GALNT2: variants seen among roughly 807,000 people sequenced by gnomAD.
GALNT2 encodes the protein polypeptide N-acetylgalactosaminyltransferase 2.
In GALNT2, 31 loss-of-function variants were observed where a neutral mutation model predicts 81.4. The observed-to-expected ratio is 0.38, with a 90% CI of 0.29 to 0.51. The LOEUF (loss-of-function observed/expected upper bound fraction) is 0.51. GALNT2 is among the 20% of genes least tolerant of loss of function. The probability of loss-of-function intolerance (pLI) is 0.87; values close to 1 mark genes in which losing one functional copy is unlikely to be tolerated. For synonymous variants in GALNT2, 303 were observed against 287.4 expected, an observed-to-expected ratio of 1.05 and a Z score of -0.55; for missense variants, 629 against 765.7, an observed-to-expected ratio of 0.82 and a Z score of 2.11.
chr1:230,253,784 C>A (rs1304662669), intron 10 of GALNT2, among the ~76,000 whole-genome samples: 1 of 152,150 alleles, frequency 6.6e-6, no homozygotes, highest in Non-Finnish European at 1.5e-5. Flanking sequence ...CAAGATCCCT[C>A]TTCTCTAGCT....
At chr1:230,258,333 G>A (rs1014269644) in intron 11 of GALNT2, among the ~76,000 whole-genome samples, 2 of 151,776 alleles carry the variant, frequency 1.3e-5, no homozygotes, top group Admixed American at 6.6e-5. Context: ...GGATTCAAGC[G>A]ACTCCCCTGC....
intron 1 of GALNT2, among the ~76,000 whole-genome samples, chr1:230,100,120 A>G (rs1233552351): frequency 6.6e-6 from 1 of 152,162 alleles, no homozygotes; most frequent in African/African-American, 2.4e-5. Context: ...TGAAGGGATC[A>G]AGTCCTGGAA....
At chr1:230,230,878 G>A (rs754830839) in intron 3 of GALNT2, among the ~76,000 whole-genome samples, 7 of 152,066 alleles carry the variant, frequency 4.6e-5, no homozygotes, top group South Asian at 2.1e-4. Context: ...TTTGGTCTTC[G>A]TGGCTATCTC....
At chr1:230,176,904 T>C (rs1216241825) in intron 1 of GALNT2, among the ~76,000 whole-genome samples, 1 of 152,176 alleles carries the variant, frequency 6.6e-6, no homozygotes, top group Non-Finnish European at 1.5e-5. Context: ...GGGTGGGGCT[T>C]GGACCCCCGG....
In GALNT2 at chr1:230,275,573, AAC is replaced by A. The variant is rs1189909925; in HGVS notation, c.1560+1014_1560+1015del. Among the ~76,000 whole-genome samples, 6 of 151,050 alleles carry A rather than the reference AAC, an allele frequency of 4.0e-5. No homozygotes were observed. Among genetic ancestry groups the A allele is most frequent in the Non-Finnish European group, 8.9e-5 (6 of 67,660 alleles). On this transcript the variant is annotated intron_variant, in intron 15 of 15. Coordinates refer to ENST00000366672, the MANE Select transcript of GALNT2 (RefSeq NM_004481.5). The surrounding 1 kb of genome is among the most constrained non-coding windows in gnomAD (Gnocchi z 5.5). The stretch of plus-strand genomic sequence containing the variant: ...TAAACGCCACATATATATACATATA[AAC>A]ACACCATATATATACATATAGATAC...
intron 2 of GALNT2, among the ~76,000 whole-genome samples, chr1:230,197,580 C>T (rs1205225424): frequency 1.3e-5 from 2 of 152,182 alleles, no homozygotes; most frequent in Admixed American, 6.5e-5. Context: ...TCATTTCTGC[C>T]TGTAAATATC....
intron 1 of GALNT2, among the ~76,000 whole-genome samples, chr1:230,140,107 G>A (rs1661683651): frequency 1.3e-5 from 2 of 152,238 alleles, no homozygotes; most frequent in South Asian, 4.1e-4. Context: ...CCTCCCCCAC[G>A]GGGCTTCTGT....
intron 3 of GALNT2, among the ~76,000 whole-genome samples, chr1:230,212,071 C>T (rs1451952309): frequency 6.6e-6 from 1 of 152,170 alleles, no homozygotes; most frequent in African/African-American, 2.4e-5. Flanking sequence ...GAGCCTTAGT[C>T]CCCAGGGATT....
chr1:230,245,839 C>T (rs112133694), intron 7 of GALNT2, among the ~76,000 whole-genome samples: 39 of 152,296 alleles, frequency 2.6e-4, no homozygotes, highest in African/African-American at 8.9e-4. Flanking sequence ...CCACTCCTGA[C>T]CTCCCTCCCT....
At chr1:230,174,255 G>A (rs1662885948) in intron 1 of GALNT2, among the ~76,000 whole-genome samples, 1 of 152,150 alleles carries the variant, frequency 6.6e-6, no homozygotes, top group South Asian at 2.1e-4. Flanking sequence ...TGCTCCCCAC[G>A]TGTCATGCGG....
chr1:230,261,348 TATCTC>T (rs1665871890), intron 11 of GALNT2, among the ~76,000 whole-genome samples: 1 of 152,224 alleles, frequency 6.6e-6, no homozygotes, highest in Non-Finnish European at 1.5e-5. Flanking sequence ...TTAATAATGG[TATCTC>T]AGATCAGTTG....
chr1:230,109,344 TGTG>T lies in GALNT2; in HGVS notation c.126+41944_126+41946del, dbSNP rs556638009. Among the ~76,000 whole-genome samples, 923 of 152,212 alleles carry T rather than the reference TGTG, an allele frequency of 6.1e-3. 5 individuals are homozygous for T. Among genetic ancestry groups the T allele is most frequent in the Middle Eastern group, 0.014 (4 of 294 alleles). ...CCCTCGGGGTGTAGCAGGGACATGG[TGTG>T]GTGGTTAACAGGAGTAGGCCACTCA... On this transcript the variant is annotated intron_variant, in intron 1 of 15. Coordinates refer to ENST00000366672, the MANE Select transcript of GALNT2 (RefSeq NM_004481.5).
intron 2 of GALNT2, among the ~76,000 whole-genome samples, chr1:230,191,782 G>A (rs1402162243): frequency 6.6e-6 from 1 of 152,190 alleles, no homozygotes; most frequent in African/African-American, 2.4e-5. Flanking sequence ...CAAAGTGCTG[G>A]GATCATAGGC....
At chr1:230,247,241 G>A (rs1665402572) in intron 8 of GALNT2, among the ~76,000 whole-genome samples, 1 of 152,172 alleles carries the variant, frequency 6.6e-6, no homozygotes, top group Non-Finnish European at 1.5e-5. Flanking sequence ...ACATATGTGT[G>A]CAAGCAAGCC....
chr1:230,131,467 C>G (rs1661364681), intron 1 of GALNT2, among the ~76,000 whole-genome samples: 1 of 152,198 alleles, frequency 6.6e-6, no homozygotes, highest in African/African-American at 2.4e-5. Context: ...CCATGCAGAG[C>G]TTTCATGTAT....
intron 1 of GALNT2, among the ~76,000 whole-genome samples, chr1:230,168,765 A>T (rs565629945): frequency 6.6e-6 from 1 of 152,340 alleles, no homozygotes; most frequent in South Asian, 2.1e-4. Flanking sequence ...TATATATATC[A>T]TACCAAGTTT....
At chr1:230,218,704 G>T (rs1332484540) in intron 3 of GALNT2, among the ~76,000 whole-genome samples, 1 of 152,180 alleles carries the variant, frequency 6.6e-6, no homozygotes, top group Non-Finnish European at 1.5e-5. Context: ...CAATGTTTAT[G>T]GATGGTTTTA....
upstream of GALNT2, chr1:230,067,231 A>G (rs1296421608): frequency 5.1e-6 from 6 of 1,185,218 alleles, no homozygotes; most frequent in African/African-American, 1.6e-5. Flanking sequence ...CGGCCGGCCC[A>G]GGCAGCACTC....
rs1572158825 is a variant in GALNT2 at position 230,267,833 on chromosome 1, C to T, written c.1440+2466C>T. Among the ~76,000 whole-genome samples, 7 of 152,328 alleles carry T rather than the reference C, an allele frequency of 4.6e-5. No individual in the cohort carries two copies. In the East Asian group the frequency reaches 9.6e-4, roughly 21 times the overall value. ...TGCTTCTGTGTCCTTGTAGCTCCTC[C>T]ATCCAAGACCCTGCTGTTAACTGTG... On this transcript the variant is annotated intron_variant, in intron 14 of 15. Transcript: ENST00000366672.
Sources: gnomAD v4.1 joint callset for allele counts (sites outside exome capture counted in the v4.1 genomes callset) on GRCh38, gnomAD v4.1.1 for gene constraint, Gnocchi (gnomAD v3.1) non-coding constraint, MANE v1.5 for transcripts, NCBI Gene and HGNC (gene_info 2026-07-23, HGNC 2026-07-21) for gene names.